The following COL4A4 variants were observed in gnomAD, a reference collection of about 807,000 sequenced individuals.
The protein encoded by COL4A4 is collagen type IV alpha 4 chain.
Under a neutral mutation model 192.9 loss-of-function variants are expected in COL4A4, and 105 were observed. That is an observed-to-expected ratio of 0.54 (90% CI 0.46 to 0.64). The LOEUF (loss-of-function observed/expected upper bound fraction) is 0.64, where lower values mean the gene tolerates loss of function less well. Among genes scored for constraint, COL4A4 ranks in the 30% least tolerant of loss-of-function variants. The pLI is 0.00. For synonymous variants in COL4A4, 762 were observed against 769.9 expected (o/e 0.99, Z 0.17); for missense variants, 1,967 against 2,169.3 (o/e 0.91, Z 1.85).
chr2:227,094,337 C>T (rs375204855), intron 19 of COL4A4, 48 bp from the exon 20 acceptor site: 117 of 1,575,202 alleles, frequency 7.4e-5, no homozygotes, highest in Admixed American at 5.5e-4. Context: ...TCAGAGTAAA[C>T]GTCTCTGTAG....
At chr2:227,101,828 A>C in intron 16 of COL4A4, 37 bp downstream of exon 16, 1 of 1,460,930 alleles carries the variant, frequency 6.8e-7, no homozygotes, top group Non-Finnish European at 9.5e-7. Context: ...TTTACTAATG[A>C]AATGTATTTA....
At chr2:227,054,284 G>A (rs1292286808) in intron 31 of COL4A4, among the ~76,000 whole-genome samples, 3 of 152,256 alleles carry the variant, frequency 2.0e-5, no homozygotes, top group Non-Finnish European at 2.9e-5. Flanking sequence ...AGAGGTTGGA[G>A]AACAAGAGCC....
intron 40 of COL4A4, among the ~76,000 whole-genome samples, chr2:227,031,259 T>C (rs906447546): frequency 2.0e-5 from 3 of 152,178 alleles, no homozygotes; most frequent in African/African-American, 7.2e-5. Flanking sequence ...TTATTTTCAG[T>C]GTATGATCCC....
At chr2:227,009,714 GAA>G in intron 46 of COL4A4, among the ~76,000 whole-genome samples, 1 of 45,232 alleles carries the variant, frequency 2.2e-5, no homozygotes, top group East Asian at 5.4e-4. Flanking sequence ...AAAAAAAGAG[GAA>G]AAGAGAAGAG....
At position 227,091,247 on chromosome 2, in the gene COL4A4, C is replaced by CAGATATAGATATAGATAT. The variant is rs58703873; in HGVS notation, c.1370-1308_1370-1291dup. 2.3e-3 allele frequency among the ~76,000 whole-genome samples: 330 copies of CAGATATAGATATAGATAT among 142,418 alleles called. 1 individual carries two copies. The highest frequency in any genetic ancestry group is 7.3e-3 in the African/African-American group (276 of 37,722). The allele number at this position is 142,418 out of a possible 152,430, so 93.4% of individuals were successfully genotyped here. On this transcript the variant is annotated intron_variant, in intron 20 of 47. Coordinates refer to ENST00000396625, the MANE Select transcript of COL4A4 (RefSeq NM_000092.5). ...AAAAGAGAACACAGCAATTGAAAAACAGATATAGATATAGATATAGATATA... is the reference window on the plus strand; with the variant it reads ...AAAAGAGAACACAGCAATTGAAAAACAGATATAGATATAGATATAGATATAGATATAGATATAGATATA...
chr2:227,019,666 G>T lies in COL4A4; in HGVS notation c.4216+2382C>A, dbSNP rs372039485. On this transcript the variant is annotated intron_variant, in intron 44 of 47. Transcript: ENST00000396625. Reference sequence around the variant, plus strand: ...CAATACCCTTGACTTGCAACTCTTTGTTTTGTTTCGTTTTGTTTTAGACGG... The same window carrying T: ...CAATACCCTTGACTTGCAACTCTTTTTTTTGTTTCGTTTTGTTTTAGACGG... 2.9e-3 allele frequency among the ~76,000 whole-genome samples: 447 copies of T among 152,252 alleles called. 2 individuals are homozygous for T. The highest frequency in any genetic ancestry group is 0.01 in the African/African-American group (423 of 41,550).
chr2:226,972,713 G>A, the COL4A4 span, among the ~76,000 whole-genome samples: 2 of 152,132 alleles, frequency 1.3e-5, no homozygotes, highest in South Asian at 2.1e-4. Context: ...AACAGTGAAC[G>A]GCACAGACTG....
intron 44 of COL4A4, 24 bp downstream of exon 44, chr2:227,022,024 G>T: frequency 6.2e-7 from 1 of 1,605,822 alleles, no homozygotes; most frequent in South Asian, 1.1e-5. Context: ...TGAAAATAAT[G>T]AACAATCAGC....
chr2:227,088,922 A>G, intron 21 of COL4A4, 106 bp from the exon 22 acceptor site: 1 of 1,330,032 alleles, frequency 7.5e-7, no homozygotes, highest in Non-Finnish European at 1.1e-6. Flanking sequence ...AAAGAGTCCG[A>G]TATGCACTTC....
the COL4A4 span, among the ~76,000 whole-genome samples, chr2:226,989,851 A>G: frequency 2.6e-5 from 4 of 152,206 alleles, no homozygotes; most frequent in African/African-American, 4.8e-5. Context: ...CTATTTCACA[A>G]TGCAGGGTGC....
At chr2:227,041,906 G>GAAAA (rs1225336223) in intron 37 of COL4A4, among the ~76,000 whole-genome samples, 2 of 149,496 alleles carry the variant, frequency 1.3e-5, no homozygotes, top group African/African-American at 5.1e-5. Context: ...AAGAAAGAAA[G>GAAAA]AAAGAAAGAA....
intron 25 of COL4A4, among the ~76,000 whole-genome samples, chr2:227,063,079 A>G (rs1050435878): frequency 6.6e-6 from 1 of 152,226 alleles, no homozygotes; most frequent in African/African-American, 2.4e-5. Flanking sequence ...GCAAATGAAG[A>G]GGCTGGGCTA....
intron 23 of COL4A4, among the ~76,000 whole-genome samples, chr2:227,081,257 T>C (rs2059309308): frequency 6.6e-6 from 1 of 152,194 alleles, no homozygotes; most frequent in Non-Finnish European, 1.5e-5. Flanking sequence ...ACTCCCAATG[T>C]GGGTGGGCAC....
At chr2:227,034,270 G>A (rs1036727013) in intron 37 of COL4A4, among the ~76,000 whole-genome samples, 8 of 152,134 alleles carry the variant, frequency 5.3e-5, no homozygotes, top group Non-Finnish European at 1.0e-4. Context: ...TTTTATCAAC[G>A]TATGTTGAGT....
chr2:227,155,523 A>G (rs937367700), intron 1 of COL4A4, among the ~76,000 whole-genome samples: 2 of 152,194 alleles, frequency 1.3e-5, no homozygotes, highest in Non-Finnish European at 2.9e-5. Flanking sequence ...CAAAACCACT[A>G]ATCCCCCACA....
intron 32 of COL4A4, 148 bp from the exon 33 acceptor site, chr2:227,051,306 T>C: frequency 1.2e-6 from 1 of 810,688 alleles, no homozygotes. Context: ...TGATCATTTC[T>C]GGCTTCAGTG....
At chr2:227,150,986 G>A (rs2125434900) in intron 1 of COL4A4, among the ~76,000 whole-genome samples, 2 of 151,338 alleles carry the variant, frequency 1.3e-5, no homozygotes, top group South Asian at 4.2e-4. Context: ...TATTATAAAT[G>A]ATGACCTTTA....
chr2:227,139,798 C>T (rs2063077329), intron 4 of COL4A4, among the ~76,000 whole-genome samples: 1 of 152,166 alleles, frequency 6.6e-6, no homozygotes, highest in African/African-American at 2.4e-5. Context: ...TCTGGAAAGA[C>T]CAAACAAACT....
chr2:227,034,117 C>T (rs988876975), intron 37 of COL4A4, among the ~76,000 whole-genome samples: 1 of 152,240 alleles, frequency 6.6e-6, no homozygotes, highest in Non-Finnish European at 1.5e-5. Context: ...TGAAAACTCC[C>T]GTCTGTGTAA....
Sources: allele counts gnomAD v4.1 joint callset (sites outside exome capture counted in the v4.1 genomes callset), GRCh38; gene constraint gnomAD v4.1.1; transcripts MANE v1.5; gene names NCBI Gene and HGNC (gene_info 2026-07-23, HGNC 2026-07-21).